Variants in GLS observed in about 807,000 individuals in gnomAD.
The protein encoded by GLS is glutaminase kidney isoform, mitochondrial.
Under a neutral mutation model 86.7 loss-of-function variants are expected in GLS, and 36 were observed. The ratio of observed to expected loss-of-function variants is 0.42; its 90% confidence interval spans 0.32 to 0.55. The LOEUF is 0.55. GLS is among the 20% of genes least tolerant of loss of function. The pLI, the probability that GLS is intolerant of heterozygous loss-of-function variation, is 0.17. For synonymous variants in GLS, 317 were observed against 305.9 expected, an observed-to-expected ratio of 1.04 and a Z score of -0.38; for missense variants, 528 against 833.4, an observed-to-expected ratio of 0.63 and a Z score of 4.51.
chr2:190,891,651 T>C (rs1304587011), intron 1 of GLS, among the ~76,000 whole-genome samples: 1 of 152,040 alleles, frequency 6.6e-6, no homozygotes, highest in Non-Finnish European at 1.5e-5. Flanking sequence ...GTCAGTGGGG[T>C]AAGCAAAGAC....
In GLS at chr2:190,964,594, A is replaced by T. The variant is rs907788578; in HGVS notation, c.*1608A>T. On this transcript the variant is annotated 3_prime_UTR_variant, in exon 18 of 18. Coordinates refer to ENST00000320717, the MANE Select transcript of GLS (RefSeq NM_014905.5). This position sits in a 1 kb window ranked among gnomAD's most constrained non-coding sequence, Gnocchi z 5.2. Reference sequence around the variant, plus strand: ...CCTAGATGGCACCTCCTTTGGTGAAACCACGGCCAATGTTCCTTAGCTGCA... The same window carrying T: ...CCTAGATGGCACCTCCTTTGGTGAATCCACGGCCAATGTTCCTTAGCTGCA... 2 of 152,134 alleles carry T rather than the reference A, an allele frequency of 1.3e-5. No homozygotes were observed. Among genetic ancestry groups the T allele is most frequent in the Non-Finnish European group, 2.9e-5 (2 of 68,066 alleles). 9.4% of individuals were successfully genotyped at this position (152,134 alleles called of 1,614,324 possible). A position where few individuals can be genotyped will look rare whatever the true frequency, so the allele number is the denominator to read the frequency against.
Position 190,895,568 on chromosome 2 carries a change from C to T in GLS, c.484-36C>T. The stretch of plus-strand genomic sequence containing the variant: ...GGTATAAGCATATACATTATTTGCA[C>T]TATATATTTACAAACTCTTATTTTT... On this transcript the variant is annotated intron_variant, in intron 2 of 17. Transcript: ENST00000320717. This position sits in a 1 kb window ranked among gnomAD's most constrained non-coding sequence, Gnocchi z 4.2. 6.8e-7 allele frequency: 1 copy of T among 1,476,324 alleles called. No homozygotes were observed. Among genetic ancestry groups the T allele is most frequent in the Non-Finnish European group, 9.4e-7 (1 of 1,067,070 alleles). 91.5% of individuals were successfully genotyped at this position (1,476,324 alleles called of 1,614,324 possible).
Position 190,906,831 on chromosome 2 carries a change from A to C in GLS, c.979+1664A>C, listed in dbSNP as rs149412099. Among the ~76,000 whole-genome samples the C allele has an allele frequency of 3.4e-3, 515 of 152,214 alleles. 9 individuals are homozygous for C. Among genetic ancestry groups the C allele is most frequent in the African/African-American group, 0.012 (495 of 41,550 alleles). On this transcript the variant is annotated intron_variant, in intron 6 of 17. Transcript: ENST00000320717. ...ATATATGTGTGTATCTAAAATAATA[A>C]ATTTTTAAAAAATAAATATATTACT... is the stretch of plus-strand genomic sequence containing the variant.
In GLS at chr2:190,895,751, T is replaced by C. The variant is rs1559318462; in HGVS notation, c.605+26T>C. 3 of 1,569,830 alleles carry C rather than the reference T, an allele frequency of 1.9e-6. No individual in the cohort carries two copies. Among genetic ancestry groups the C allele is most frequent in the Non-Finnish European group, 2.6e-6 (3 of 1,150,752 alleles). On this transcript the variant is annotated intron_variant, in intron 3 of 17. Coordinates refer to ENST00000320717, the MANE Select transcript of GLS (RefSeq NM_014905.5). This position sits in a 1 kb window ranked among gnomAD's most constrained non-coding sequence, Gnocchi z 4.2. ...GTAAAAGTTTCTGCCAAACCTTTAA[T>C]GGTGATTTGCTATGCTATACGGTGA...
rs1369840623 is a variant in GLS at position 190,895,070 on chromosome 2, G to T, written c.387-82G>T. 1.5e-6 allele frequency: 1 copy of T among 667,678 alleles called. No individual in the cohort carries two copies. Among genetic ancestry groups the T allele is most frequent in the Admixed American group, 2.2e-5 (1 of 45,972 alleles). The allele number at this position is 667,678 out of a possible 1,614,324, so 41.4% of individuals were successfully genotyped here. ...GAGCTCAGCTGTAGTCTAGTTTAGTGGTTATTTAACAATGGATTTAGTTAA... is the reference window on the plus strand; with the variant it reads ...GAGCTCAGCTGTAGTCTAGTTTAGTTGTTATTTAACAATGGATTTAGTTAA... On this transcript the variant is annotated intron_variant, in intron 1 of 17. Coordinates refer to ENST00000320717, the MANE Select transcript of GLS (RefSeq NM_014905.5). The surrounding 1 kb of genome is among the most constrained non-coding windows in gnomAD (Gnocchi z 4.2).
chr2:190,880,862 A>G lies in GLS; in HGVS notation c.-223A>G, dbSNP rs1256770163. The G allele has an allele frequency of 1.3e-6, 1 of 794,256 alleles. No homozygotes were observed. The highest frequency in any genetic ancestry group is 1.8e-5 in the African/African-American group (1 of 55,962). The allele number at this position is 794,256 out of a possible 1,614,324, so 49.2% of individuals were successfully genotyped here. A position where few individuals can be genotyped will look rare whatever the true frequency, so the allele number is the denominator to read the frequency against. Reference sequence around the variant, plus strand: ...CGGAGCGAAGAGAACCGGTCGCGGCAATCCTAGCGCGCAGCAGCAGCAGCA... The same window carrying G: ...CGGAGCGAAGAGAACCGGTCGCGGCGATCCTAGCGCGCAGCAGCAGCAGCA... On this transcript the variant is annotated 5_prime_UTR_variant, in exon 1 of 18. Coordinates refer to ENST00000320717, the MANE Select transcript of GLS (RefSeq NM_014905.5).
At chr2:190,884,316 C>T (rs188313627) in intron 1 of GLS, among the ~76,000 whole-genome samples, 3 of 152,110 alleles carry the variant, frequency 2.0e-5, no homozygotes, top group African/African-American at 7.2e-5. Context: ...TTAAATTTGT[C>T]GCCACATATT....
chr2:190,961,960 T>A (rs186358776), intron 17 of GLS, among the ~76,000 whole-genome samples: 2 of 152,266 alleles, frequency 1.3e-5, no homozygotes, highest in East Asian at 3.9e-4. Context: ...GAGAATTTTG[T>A]AATGTAAGTA....
chr2:190,921,246 C>T lies in GLS; in HGVS notation c.1130+43C>T, dbSNP rs749759831. ...TGTTTTGTTACGTAAAAACACACAA[C>T]TGTATTTAGAATTGATCCACTCTCT... On this transcript the variant is annotated intron_variant, in intron 9 of 17. Transcript: ENST00000320717. This position sits in a 1 kb window ranked among gnomAD's most constrained non-coding sequence, Gnocchi z 4.2. 8.3e-5 allele frequency: 103 copies of T among 1,248,238 alleles called. 1 individual carries two copies. The highest frequency in any genetic ancestry group is 1.1e-4 in the Non-Finnish European group (95 of 847,694). 77.3% of individuals were successfully genotyped at this position (1,248,238 alleles called of 1,614,324 possible). A position where few individuals can be genotyped will look rare whatever the true frequency, so the allele number is the denominator to read the frequency against.
At chr2:190,959,815 A>C (rs1164178413) in intron 17 of GLS, among the ~76,000 whole-genome samples, 1 of 152,224 alleles carries the variant, frequency 6.6e-6, no homozygotes, top group Non-Finnish European at 1.5e-5. Context: ...CTTCTAAACA[A>C]GCTAAAATGT....
At chr2:190,958,524 T>C (rs1690917789) in intron 17 of GLS, among the ~76,000 whole-genome samples, 1 of 152,236 alleles carries the variant, frequency 6.6e-6, no homozygotes, top group Non-Finnish European at 1.5e-5. Context: ...GTGTCAATTT[T>C]AGACCTTTCC....
chr2:190,916,165 A>T (rs1689524732), intron 7 of GLS, among the ~76,000 whole-genome samples: 1 of 152,208 alleles, frequency 6.6e-6, no homozygotes, highest in Non-Finnish European at 1.5e-5. Context: ...AATGGGAAAG[A>T]AAAATACTCA....
intron 1 of GLS, among the ~76,000 whole-genome samples, chr2:190,886,958 T>C (rs1436138185): frequency 2.0e-5 from 3 of 151,506 alleles, no homozygotes; most frequent in African/African-American, 7.3e-5. Context: ...AAGGCTGTAC[T>C]ACTTCCTTCT....
At chr2:190,908,520 A>G (rs1015215821) in intron 6 of GLS, among the ~76,000 whole-genome samples, 2 of 152,258 alleles carry the variant, frequency 1.3e-5, no homozygotes, top group Non-Finnish European at 2.9e-5. Flanking sequence ...TTTTGTCAGT[A>G]TAACACGCTC....
At chr2:190,885,942 A>T (rs960271284) in intron 1 of GLS, among the ~76,000 whole-genome samples, 1 of 151,422 alleles carries the variant, frequency 6.6e-6, no homozygotes, top group African/African-American at 2.4e-5. Flanking sequence ...GTGTGATCTC[A>T]GCTCAATGCA....
In GLS at chr2:190,924,612, T is replaced by A. The variant is rs1574598773; in HGVS notation, c.1248+19T>A. On this transcript the variant is annotated intron_variant, in intron 11 of 17. Transcript: ENST00000320717. The surrounding 1 kb of genome is among the most constrained non-coding windows in gnomAD (Gnocchi z 5.2). ...CTTCCAGGTAATCTAATTATGTAAATCGTATATATAAATGGATGTGTCGGC... is the reference window on the plus strand; with the variant it reads ...CTTCCAGGTAATCTAATTATGTAAAACGTATATATAAATGGATGTGTCGGC... The A allele has an allele frequency of 7.5e-7, 1 of 1,326,820 alleles. No homozygotes were observed. Among genetic ancestry groups the A allele is most frequent in the African/African-American group, 1.4e-5 (1 of 69,400 alleles). 82.2% of individuals were successfully genotyped at this position (1,326,820 alleles called of 1,614,324 possible).
In GLS at chr2:190,953,432, G is replaced by T; in HGVS notation, c.1651-133G>T. On this transcript the variant is annotated intron_variant, in intron 14 of 17. Transcript: ENST00000320717. This position sits in a 1 kb window ranked among gnomAD's most constrained non-coding sequence, Gnocchi z 4.0. ...CGTGGGTTCTTTTGGCTATGGAAGT[G>T]TCCTTGAGATCACTTTTTGCACGTG... 1 of 659,038 alleles carries T rather than the reference G, an allele frequency of 1.5e-6. No individual in the cohort carries two copies. Among genetic ancestry groups the T allele is most frequent in the Non-Finnish European group, 2.8e-6 (1 of 356,812 alleles). 40.8% of individuals were successfully genotyped at this position (659,038 alleles called of 1,614,324 possible). A position where few individuals can be genotyped will look rare whatever the true frequency, so the allele number is the denominator to read the frequency against.
intron 11 of GLS, among the ~76,000 whole-genome samples, chr2:190,926,300 T>C (rs768590674): frequency 6.6e-6 from 1 of 152,194 alleles, no homozygotes; most frequent in Non-Finnish European, 1.5e-5. Flanking sequence ...TCTGGGGCAG[T>C]ATTGCAAGTC....
chr2:190,925,673 T>C (rs1452815939), intron 11 of GLS, among the ~76,000 whole-genome samples: 1 of 152,204 alleles, frequency 6.6e-6, no homozygotes, highest in Non-Finnish European at 1.5e-5. Context: ...TCTTAGAGAA[T>C]ATATAAGGGA....
Sources: allele counts gnomAD v4.1 joint callset (sites outside exome capture counted in the v4.1 genomes callset), GRCh38; gene constraint gnomAD v4.1.1; non-coding constraint Gnocchi (gnomAD v3.1); transcripts MANE v1.5; gene names NCBI Gene and HGNC (gene_info 2026-07-23, HGNC 2026-07-21).